NBEAL1: variants seen among roughly 807,000 people sequenced by gnomAD.
The protein encoded by NBEAL1 is neurobeachin like 1, also known as neurobeachin-like protein 1.
A neutral mutation model predicts 351.3 loss-of-function variants in NBEAL1; 273 were observed. The observed-to-expected ratio is 0.78, with a 90% CI of 0.70 to 0.86. The LOEUF (loss-of-function observed/expected upper bound fraction) is 0.86, where lower values mean the gene tolerates loss of function less well. Among genes scored for constraint, NBEAL1 ranks in the 40% least tolerant of loss-of-function variants. The pLI is 0.00. For synonymous variants in NBEAL1, 1,050 were observed against 1,086.4 expected (o/e 0.97, Z 0.66); for missense variants, 2,961 against 3,201.3 (o/e 0.92, Z 1.81).
intron 2 of NBEAL1, among the ~76,000 whole-genome samples, chr2:203,021,797 C>T (rs1479700234): frequency 6.6e-6 from 1 of 151,928 alleles, no homozygotes; most frequent in Non-Finnish European, 1.5e-5. Flanking sequence ...CGCCTGTAAT[C>T]CCAGCACTTT....
At chr2:203,029,513 T>A (rs2060915681) in intron 2 of NBEAL1, among the ~76,000 whole-genome samples, 1 of 152,136 alleles carries the variant, frequency 6.6e-6, no homozygotes, top group African/African-American at 2.4e-5. Context: ...GGCAACATGA[T>A]GAAACCTGCC....
intron 35 of NBEAL1, among the ~76,000 whole-genome samples, chr2:203,156,426 A>G (rs1289028241): frequency 6.6e-6 from 1 of 152,258 alleles, no homozygotes; most frequent in Non-Finnish European, 1.5e-5. Context: ...TACTGTTAAC[A>G]GAATAGTACC....
chr2:203,148,970 A>G (rs1450040561), intron 33 of NBEAL1, 21 bp from the exon 34 acceptor site: 1 of 1,594,154 alleles, frequency 6.3e-7, no homozygotes, highest in South Asian at 1.1e-5. Flanking sequence ...CAATGACCTT[A>G]CTTTTTATTG....
chr2:203,189,683 G>A (rs1575106657), intron 45 of NBEAL1, among the ~76,000 whole-genome samples: 1 of 151,816 alleles, frequency 6.6e-6, no homozygotes, highest in Non-Finnish European at 1.5e-5. Context: ...CACCACCCCT[G>A]GCCCAATAGA....
chr2:203,026,201 A>G (rs1181732822), intron 2 of NBEAL1, among the ~76,000 whole-genome samples: 1 of 152,128 alleles, frequency 6.6e-6, no homozygotes, highest in African/African-American at 2.4e-5. Context: ...AGACATGTAT[A>G]TTTATGTCTG....
chr2:203,040,593 T>A (rs1451386630), intron 2 of NBEAL1: 1 of 677,022 alleles, frequency 1.5e-6, no homozygotes, highest in Non-Finnish European at 2.7e-6. Flanking sequence ...AGGTCAAGAA[T>A]AAGACCATCC....
In NBEAL1 at chr2:203,084,588, T is replaced by A; in HGVS notation, c.1098+19T>A. On this transcript the variant is annotated intron_variant, in intron 10 of 55. Transcript: ENST00000683969. ...CTGCAAGGTATTTTTCTATTATTGT[T>A]GTTGTCTTTGATTTTAAGAAGCTAT... 1 of 1,352,226 alleles carries A rather than the reference T, an allele frequency of 7.4e-7. No homozygotes were observed. Among genetic ancestry groups the A allele is most frequent in the Non-Finnish European group, 1.0e-6 (1 of 999,682 alleles). The allele number at this position is 1,352,226 out of a possible 1,614,324, so 83.8% of individuals were successfully genotyped here. A position where few individuals can be genotyped will look rare whatever the true frequency, so the allele number is the denominator to read the frequency against.
intron 17 of NBEAL1, among the ~76,000 whole-genome samples, chr2:203,113,821 C>CTT (rs34496672): frequency 8.7e-6 from 1 of 114,724 alleles, no homozygotes; most frequent in Non-Finnish European, 1.8e-5. Flanking sequence ...CTGTGTCTCT[C>CTT]TTTTTTTTTT....
intron 17 of NBEAL1, 21 bp downstream of exon 17, chr2:203,113,339 T>C: frequency 7.7e-7 from 1 of 1,296,980 alleles, no homozygotes; most frequent in Non-Finnish European, 9.9e-7. Context: ...ACAGTCATAA[T>C]GCTTAAGCAA....
At chr2:203,202,935 A>C (rs531572280) in intron 51 of NBEAL1, among the ~76,000 whole-genome samples, 154 bp downstream of exon 51, 1 of 151,982 alleles carries the variant, frequency 6.6e-6, no homozygotes, top group East Asian at 1.9e-4. Flanking sequence ...AAATCACCAC[A>C]TTTTTTCCTA....
chr2:203,023,197 C>T (rs534076580), intron 2 of NBEAL1, among the ~76,000 whole-genome samples: 130 of 152,120 alleles, frequency 8.5e-4, no homozygotes, highest in African/African-American at 3.1e-3. Context: ...TAAGATGGAC[C>T]AATACATATC....
At chr2:203,124,511 T>C (rs1322040847) in intron 19 of NBEAL1, among the ~76,000 whole-genome samples, 1 of 152,226 alleles carries the variant, frequency 6.6e-6, no homozygotes, top group African/African-American at 2.4e-5. Context: ...ATAGAAATGT[T>C]AATCTGCTTC....
intron 54 of NBEAL1, among the ~76,000 whole-genome samples, chr2:203,211,489 C>T (rs1272102318): frequency 6.6e-6 from 1 of 151,950 alleles, no homozygotes; most frequent in South Asian, 2.1e-4. Context: ...AAAATAAAAA[C>T]TTTAAAAATT....
At chr2:203,153,549 A>T (rs1388448606) in intron 35 of NBEAL1, among the ~76,000 whole-genome samples, 1 of 152,176 alleles carries the variant, frequency 6.6e-6, no homozygotes, top group Non-Finnish European at 1.5e-5. Flanking sequence ...TACATTTTGA[A>T]ATAAATCAGA....
rs1274134178 is a variant in NBEAL1, at chr2:203,175,260, C to G, written c.6437C>G (p.Thr2146Ser). ...CTCATTCGTGTAGAACCGTTCACCA[C>G]CCTCCACATCCAACTTCAGAGTGGA... Reference protein sequence around the residue: ...HYLIRVEPFTTLHIQLQSGRF... With the variant: ...HYLIRVEPFTSLHIQLQSGRF... The change falls in exon 42 of 56, where the codon ACC becomes AGC. Residue 2146 changes from threonine to serine, a missense_variant. Transcript: ENST00000683969. 1.9e-6 allele frequency: 3 copies of G among 1,613,576 alleles called. No homozygotes were observed. The highest frequency in any genetic ancestry group is 2.5e-6 in the Non-Finnish European group (3 of 1,179,808).
At chr2:203,127,276 G>A (rs2062960041) in intron 23 of NBEAL1, among the ~76,000 whole-genome samples, 1 of 152,148 alleles carries the variant, frequency 6.6e-6, no homozygotes, top group Admixed American at 6.6e-5. Flanking sequence ...TATGCAGTGG[G>A]TGTTGTATTC....
intron 27 of NBEAL1, among the ~76,000 whole-genome samples, chr2:203,134,731 C>T (rs915080258): frequency 1.3e-5 from 2 of 152,146 alleles, no homozygotes; most frequent in Admixed American, 6.6e-5. Context: ...AGAGATCATA[C>T]GTATTCTCAT....
intron 6 of NBEAL1, among the ~76,000 whole-genome samples, chr2:203,064,395 T>A (rs561480042): frequency 6.6e-6 from 1 of 152,284 alleles, no homozygotes; most frequent in African/African-American, 2.4e-5. Flanking sequence ...TACTTATTAC[T>A]TGTAATTGAA....
chr2:203,180,597 C>A, intron 43 of NBEAL1, 85 bp downstream of exon 43: 1 of 1,209,036 alleles, frequency 8.3e-7, no homozygotes, highest in Non-Finnish European at 1.1e-6. Context: ...TTTGTAATAT[C>A]CTGTAGATTA....
Sources: allele counts gnomAD v4.1 joint callset (sites outside exome capture counted in the v4.1 genomes callset), GRCh38; gene constraint gnomAD v4.1.1; transcripts MANE v1.5; gene names NCBI Gene and HGNC (gene_info 2026-07-23, HGNC 2026-07-21).